PCNX1: variants seen among roughly 807,000 people sequenced by gnomAD.
PCNX1 encodes the protein pecanex-like protein 1.
PCNX1 carries 78 observed loss-of-function variants against 242.2 expected under a neutral mutation model. The observed-to-expected ratio is 0.32, with a 90% CI of 0.27 to 0.39. The LOEUF is 0.39. Ranked by LOEUF, PCNX1 falls within the 10% of genes least tolerant of loss-of-function variation. The pLI, the probability that PCNX1 is intolerant of heterozygous loss-of-function variation, is 1.00. For missense variants in PCNX1, 2,581 were observed against 2,856.5 expected, an observed-to-expected ratio of 0.90 and a Z score of 2.20; for synonymous variants, 1,024 against 1,032.9, an observed-to-expected ratio of 0.99 and a Z score of 0.17.
intron 8 of PCNX1, among the ~76,000 whole-genome samples, chr14:71,007,753 A>G: frequency 6.6e-6 from 1 of 152,180 alleles, no homozygotes; most frequent in Non-Finnish European, 1.5e-5. Flanking sequence ...AAAAACTGCA[A>G]TTAAAATTTT....
chr14:70,924,968 A>G (rs1390251387), intron 1 of PCNX1, among the ~76,000 whole-genome samples: 2 of 150,760 alleles, frequency 1.3e-5, no homozygotes, highest in African/African-American at 4.9e-5. Flanking sequence ...TGTAAATAAC[A>G]GTTTTCACAT....
intron 1 of PCNX1, among the ~76,000 whole-genome samples, chr14:70,935,425 A>G (rs1218556588): frequency 1.3e-5 from 2 of 152,178 alleles, no homozygotes; most frequent in Non-Finnish European, 2.9e-5. Flanking sequence ...CATCTTGCAC[A>G]TTTCAGTGTG....
At chr14:70,955,137 A>G (rs1001736763) in intron 2 of PCNX1, among the ~76,000 whole-genome samples, 3 of 152,190 alleles carry the variant, frequency 2.0e-5, no homozygotes, top group African/African-American at 7.2e-5. Context: ...AGAATCAGTC[A>G]CTAATTTTTT....
chr14:71,006,135 G>C (rs201633363), intron 8 of PCNX1, among the ~76,000 whole-genome samples: 7,269 of 108,694 alleles, frequency 0.067, 344 homozygotes, highest in East Asian at 0.28. Flanking sequence ...GTGTGTGTGT[G>C]TGTGTGTGTG....
At chr14:71,054,784 A>G (rs35839097) in intron 24 of PCNX1, among the ~76,000 whole-genome samples, 4,326 of 152,298 alleles carry the variant, frequency 0.028, 100 homozygotes, top group Non-Finnish European at 0.04. Context: ...AGAGTATTAA[A>G]AAGGCCTTTA....
At chr14:70,922,585 A>G (rs1213814220) in intron 1 of PCNX1, among the ~76,000 whole-genome samples, 1 of 152,110 alleles carries the variant, frequency 6.6e-6, no homozygotes, top group African/African-American at 2.4e-5. Context: ...TTGGTAGTGT[A>G]TATATACAAA....
In PCNX1 at chr14:70,971,115, G is replaced by GTTTTTTTTTTTTTTTTT. The variant is rs1046870052; in HGVS notation, c.604+2029_604+2045dup. ...AATCTATGCTATACTACTTTATATA[G>GTTTTTTTTTTTTTTTTT]TTTTTTTTTTTTTTTTTTTTTTTTT... On this transcript the variant is annotated intron_variant, in intron 5 of 35. Transcript: ENST00000304743. 1.4e-4 allele frequency among the ~76,000 whole-genome samples: 2 copies of GTTTTTTTTTTTTTTTTT among 14,518 alleles called. 1 individual carries two copies. The highest frequency in any genetic ancestry group is 2.1e-3 in the Admixed American group (2 of 964). 9.5% of individuals were successfully genotyped at this position (14,518 alleles called of 152,430 possible).
intron 2 of PCNX1, among the ~76,000 whole-genome samples, chr14:70,951,880 T>C (rs1262077772): frequency 6.6e-6 from 1 of 152,224 alleles, no homozygotes; most frequent in African/African-American, 2.4e-5. Context: ...TATTCACTTA[T>C]CTTTTATGTC....
rs1354035083 is a variant in PCNX1, at chr14:71,113,000, G to A, written c.*3065G>A. 6.6e-6 allele frequency: 1 copy of A among 152,092 alleles called. No homozygotes were observed. Among genetic ancestry groups the A allele is most frequent in the Non-Finnish European group, 1.5e-5 (1 of 68,008 alleles). The allele number at this position is 152,092 out of a possible 1,614,324, so 9.4% of individuals were successfully genotyped here. ...AATCTTCCAACTTATACCTTGGTGT[G>A]AACTCTCTTTTTACACCATTTTCAA... On this transcript the variant is annotated 3_prime_UTR_variant, in exon 36 of 36. Coordinates refer to ENST00000304743, the MANE Select transcript of PCNX1 (RefSeq NM_014982.3).
intron 1 of PCNX1, among the ~76,000 whole-genome samples, chr14:70,929,153 C>T (rs752220612): frequency 6.6e-5 from 10 of 151,990 alleles, no homozygotes; most frequent in Non-Finnish European, 1.2e-4. Flanking sequence ...TTTGGGATTA[C>T]ATGAAAATTA....
intron 24 of PCNX1, among the ~76,000 whole-genome samples, chr14:71,052,742 G>A (rs2141195449): frequency 6.6e-6 from 1 of 152,248 alleles, no homozygotes; most frequent in Non-Finnish European, 1.5e-5. Flanking sequence ...GAGAAGATAA[G>A]TTTGTAATGA....
chr14:71,068,128 A>C (rs2061493383), intron 26 of PCNX1, among the ~76,000 whole-genome samples: 1 of 151,976 alleles, frequency 6.6e-6, no homozygotes, highest in African/African-American at 2.4e-5. Flanking sequence ...GGAGTTCGAG[A>C]CCAGCCTGAC....
chr14:71,062,513 TAAA>T (rs1306292577), intron 26 of PCNX1, among the ~76,000 whole-genome samples: 6 of 151,980 alleles, frequency 3.9e-5, no homozygotes, highest in East Asian at 3.9e-4. Flanking sequence ...AAAAAAATTT[TAAA>T]AAAGCTTACA....
At chr14:70,988,137 C>A (rs1233589821) in intron 6 of PCNX1, among the ~76,000 whole-genome samples, 1 of 152,172 alleles carries the variant, frequency 6.6e-6, no homozygotes, top group Non-Finnish European at 1.5e-5. Flanking sequence ...GTCTTTGCTG[C>A]TTTTACAATA....
intron 1 of PCNX1, among the ~76,000 whole-genome samples, chr14:70,930,082 TCTC>T (rs2056735537): frequency 6.6e-6 from 1 of 152,066 alleles, no homozygotes; most frequent in Non-Finnish European, 1.5e-5. Flanking sequence ...TGCCCTTTCT[TCTC>T]ATGCATGTGT....
chr14:71,041,859 C>G (rs1433286597), intron 19 of PCNX1, among the ~76,000 whole-genome samples: 1 of 151,576 alleles, frequency 6.6e-6, no homozygotes, highest in African/African-American at 2.4e-5. Context: ...TTGCTATATT[C>G]CATAGGTTTT....
chr14:71,097,246 G>T (rs1431649017), intron 30 of PCNX1, among the ~76,000 whole-genome samples: 1 of 152,030 alleles, frequency 6.6e-6, no homozygotes, highest in Non-Finnish European at 1.5e-5. Context: ...CTGCATCTTT[G>T]CTATTGTTGA....
intron 16 of PCNX1, among the ~76,000 whole-genome samples, chr14:71,029,497 A>G (rs960062086): frequency 2.6e-5 from 4 of 152,194 alleles, no homozygotes; most frequent in Admixed American, 2.6e-4. Flanking sequence ...ACTATGCTAA[A>G]CCATTTTCTG....
In PCNX1 at chr14:71,026,099, A is replaced by T. The variant is rs200200016; in HGVS notation, c.3184-18A>T. ...CTTAAAATTAACCAAACTGACTTTTAAAAAATATCATTTTCAGGGTCATAA... is the reference window on the plus strand; with the variant it reads ...CTTAAAATTAACCAAACTGACTTTTTAAAAATATCATTTTCAGGGTCATAA... On this transcript the variant is annotated intron_variant, in intron 13 of 35. Transcript: ENST00000304743. 4.0e-6 allele frequency: 6 copies of T among 1,506,398 alleles called. No individual in the cohort carries two copies. The East Asian group carries it at 7.2e-5, about 18-fold the overall frequency. The allele number at this position is 1,506,398 out of a possible 1,614,324, so 93.3% of individuals were successfully genotyped here.
Sources: allele counts gnomAD v4.1 joint callset (sites outside exome capture counted in the v4.1 genomes callset), GRCh38; gene constraint gnomAD v4.1.1; transcripts MANE v1.5; gene names NCBI Gene and HGNC (gene_info 2026-07-23, HGNC 2026-07-21).